The following MAPK8IP3 variants were observed in gnomAD, a reference collection of about 807,000 sequenced individuals.
The protein encoded by MAPK8IP3 is C-Jun-amino-terminal kinase-interacting protein 3.
MAPK8IP3 carries 49 observed loss-of-function variants against 157.8 expected under a neutral mutation model. That is an observed-to-expected ratio of 0.31 (90% confidence interval 0.25 to 0.39). The LOEUF (loss-of-function observed/expected upper bound fraction) is 0.39, where lower values mean the gene tolerates loss of function less well. MAPK8IP3 is among the 10% of genes least tolerant of loss of function. MAPK8IP3 has a pLI of 1.00. For synonymous variants in MAPK8IP3, 897 were observed against 777.7 expected (o/e 1.15, Z -2.55); for missense variants, 1,478 against 1,889.4 (o/e 0.78, Z 4.04).
In MAPK8IP3 at chr16:1,733,590, G is replaced by A. The variant is rs553362485; in HGVS notation, c.602+4012G>A. 6.6e-5 allele frequency among the ~76,000 whole-genome samples: 10 copies of A among 152,300 alleles called. No homozygotes were observed. The East Asian group carries it at 1.5e-3, about 24-fold the overall frequency. On this transcript the variant is annotated intron_variant, in intron 4 of 31. Coordinates refer to ENST00000610761, the MANE Select transcript of MAPK8IP3 (RefSeq NM_001318852.2). ...GAACCTGCTGTCGAGGTGTCCCCGC[G>A]GGACCCAGGGACCTGAGCTGAGTCT...
At chr16:1,761,425 C>A (rs1429915485) in intron 13 of MAPK8IP3, 120 bp downstream of exon 13, 1 of 872,338 alleles carries the variant, frequency 1.1e-6, no homozygotes, top group Non-Finnish European at 1.9e-6. Context: ...ACAGGCAGAG[C>A]GGCCACCATT....
intron 1 of MAPK8IP3, among the ~76,000 whole-genome samples, chr16:1,720,045 T>C (rs982106709): frequency 2.6e-5 from 4 of 152,146 alleles, no homozygotes; most frequent in Admixed American, 2.0e-4. Flanking sequence ...AGCTTTTGTT[T>C]GTTTGTTTTT....
chr16:1,744,830 G>A (rs538716602), intron 5 of MAPK8IP3: 3 of 984,654 alleles, frequency 3.0e-6, no homozygotes, highest in South Asian at 4.7e-5. Flanking sequence ...GTTCATAGGA[G>A]TGTTTTATTT....
In MAPK8IP3 at chr16:1,764,402, C is replaced by T. The variant is rs200514433; in HGVS notation, c.2223C>T (p.Cys741=). The stretch of plus-strand genomic sequence containing the variant: ...CGCCAGGCCGCGATCCCCTGACCTG[C>T]GACCGCGAAGGAGACGGCGAGCCCA... ...KPAPGRDPLT[C]DREGDGEPKS... is the part of the protein sequence containing the mutation. The change falls in exon 19 of 32, where the codon TGC becomes TGT. Residue 741 remains cysteine (C), a synonymous_variant. Coordinates refer to ENST00000610761, the MANE Select transcript of MAPK8IP3 (RefSeq NM_001318852.2). 4.4e-5 allele frequency: 71 copies of T among 1,602,900 alleles called. No individual in the cohort carries two copies. The African/African-American group carries it at 8.8e-4, about 20-fold the overall frequency.
intron 12 of MAPK8IP3, 122 bp downstream of exon 12, chr16:1,760,654 C>A: frequency 8.1e-7 from 1 of 1,236,952 alleles, no homozygotes; most frequent in Non-Finnish European, 1.1e-6. Flanking sequence ...TACCTACCTC[C>A]AGCTCCAGCT....
intron 4 of MAPK8IP3, among the ~76,000 whole-genome samples, chr16:1,739,156 C>T (rs1204038009): frequency 8.3e-6 from 1 of 120,540 alleles, no homozygotes; most frequent in African/African-American, 3.2e-5. Flanking sequence ...GTGTGACCAT[C>T]CGTGTGAGTG....
chr16:1,768,424 G>GGCC (rs1392600349), intron 30 of MAPK8IP3, 46 bp downstream of exon 30: 1 of 1,596,846 alleles, frequency 6.3e-7, no homozygotes, highest in Middle Eastern at 1.7e-4. Context: ...GCATGCCAGT[G>GGCC]GCCGCCGCCT....
At chr16:1,763,838 T>C (rs1416901059) in intron 17 of MAPK8IP3, 55 bp downstream of exon 17, 13 of 704,612 alleles carry the variant, frequency 1.8e-5, no homozygotes, top group Non-Finnish European at 1.4e-5. Flanking sequence ...GGGGCGGGGG[T>C]AAGGGGCGGG....
At chr16:1,744,944 G>A (rs1474297977) in intron 5 of MAPK8IP3, 5 of 982,258 alleles carry the variant, frequency 5.1e-6, no homozygotes, top group Non-Finnish European at 4.8e-6. Flanking sequence ...TTTTTGTTTT[G>A]TTTTGTTTTT....
chr16:1,709,788 C>G (rs114608758), intron 1 of MAPK8IP3, among the ~76,000 whole-genome samples: 2,600 of 152,358 alleles, frequency 0.017, 78 homozygotes, highest in African/African-American at 0.058. Flanking sequence ...AAGAGCCCTT[C>G]TCCCATAGTG....
intron 2 of MAPK8IP3, among the ~76,000 whole-genome samples, chr16:1,725,149 T>TTTTTTATTATTA (rs368464070): frequency 4.8e-5 from 7 of 144,468 alleles, no homozygotes; most frequent in Non-Finnish European, 1.1e-4. Flanking sequence ...GCAGAAAGGG[T>TTTTTTATTATTA]TTATTATTAT....
intron 6 of MAPK8IP3, among the ~76,000 whole-genome samples, chr16:1,747,625 T>G (rs1318239006): frequency 6.6e-6 from 1 of 152,146 alleles, no homozygotes; most frequent in Non-Finnish European, 1.5e-5. Flanking sequence ...CCAAATACAG[T>G]CATGCTAGGG....
intron 27 of MAPK8IP3, 29 bp from the exon 28 acceptor site, chr16:1,767,776 C>T: frequency 3.1e-6 from 5 of 1,611,474 alleles, no homozygotes; most frequent in Non-Finnish European, 4.2e-6. Flanking sequence ...GTGCTCAAGG[C>T]CAGCCACCCT....
chr16:1,757,326 A>G (rs922188370), intron 8 of MAPK8IP3, among the ~76,000 whole-genome samples: 14 of 152,232 alleles, frequency 9.2e-5, no homozygotes, highest in Admixed American at 2.0e-4. Context: ...GGATGGTCTC[A>G]ATCTCCTGAC....
chr16:1,755,566 G>T (rs1332494397), intron 8 of MAPK8IP3, among the ~76,000 whole-genome samples: 1 of 152,044 alleles, frequency 6.6e-6, no homozygotes, highest in Non-Finnish European at 1.5e-5. Context: ...ACTGGAAAAG[G>T]GGCCGGGTGC....
intron 17 of MAPK8IP3, 28 bp downstream of exon 17, chr16:1,763,811 C>CG: frequency 1.4e-6 from 1 of 692,026 alleles, no homozygotes; most frequent in Non-Finnish European, 1.9e-6. Context: ...GGGGACCGGG[C>CG]GGGGCCCCGC....
chr16:1,728,150 G>A (rs1383546758), intron 2 of MAPK8IP3, among the ~76,000 whole-genome samples: 4 of 152,248 alleles, frequency 2.6e-5, no homozygotes, highest in South Asian at 2.1e-4. Flanking sequence ...GGGGTCCCCT[G>A]GCTGCGGCTG....
At chr16:1,721,024 A>C (rs1316868737) in intron 1 of MAPK8IP3, among the ~76,000 whole-genome samples, 5 of 148,828 alleles carry the variant, frequency 3.4e-5, no homozygotes, top group Non-Finnish European at 7.4e-5. Flanking sequence ...CAAGAGCAAA[A>C]CTTTGTCTCA....
Position 1,760,032 on chromosome 16 carries a change from C to G in MAPK8IP3, c.1304+17C>G, listed in dbSNP as rs771441166. ...GGAAACCAAGTAAGAGTGCCCTTCT[C>G]CTGTGTGGTGGGGCTGAGGCAGCCC... On this transcript the variant is annotated intron_variant, in intron 11 of 31. Coordinates refer to ENST00000610761, the MANE Select transcript of MAPK8IP3 (RefSeq NM_001318852.2). 1 of 1,613,970 alleles carries G rather than the reference C, an allele frequency of 6.2e-7. No individual in the cohort carries two copies. Among genetic ancestry groups the G allele is most frequent in the African/African-American group, 1.3e-5 (1 of 75,078 alleles).
Sources: gnomAD v4.1 joint callset for allele counts (sites outside exome capture counted in the v4.1 genomes callset) on GRCh38, gnomAD v4.1.1 for gene constraint, MANE v1.5 for transcripts, NCBI Gene and HGNC (gene_info 2026-07-23, HGNC 2026-07-21) for gene names.